ZNF135: variants seen among roughly 807,000 people sequenced by gnomAD.
The protein encoded by ZNF135 is zinc finger protein 135, also known as zinc finger protein 135 (clone pHZ-17).
A neutral mutation model predicts 12.3 loss-of-function variants in ZNF135; 11 were observed. That is an observed-to-expected ratio of 0.89 (90% confidence interval 0.56 to 1.48). The LOEUF (loss-of-function observed/expected upper bound fraction) is 1.48, where lower values mean the gene tolerates loss of function less well. ZNF135 is among the 40% of genes most tolerant of loss of function. The pLI is 0.00. For missense variants in ZNF135, 722 were observed against 815.7 expected (o/e 0.89, Z 1.40); for synonymous variants, 316 against 312.0 (o/e 1.01, Z -0.14).
rs201295734 is a variant in ZNF135, at chr19:58,068,338, C to T, written c.1854C>T (p.Ser618=). The T allele has an allele frequency of 1.2e-6, 2 of 1,613,236 alleles. No individual in the cohort carries two copies. Among genetic ancestry groups the T allele is most frequent in the Non-Finnish European group, 1.7e-6 (2 of 1,179,766 alleles). ...ATTGCGGAAAGTCCTTTAGGCAGAG[C>T]ACCCACCTCACTCAGCACCGGAGGA... ...CHDCGKSFRQ[S]THLTQHRRIH... The change falls in exon 5 of 5, where the codon AGC becomes AGT. Residue 618 remains serine (S), a synonymous_variant. Transcript: ENST00000313434.
rs1258878230 is a variant in ZNF135 at position 58,067,717 on chromosome 19, G to T, written c.1233G>T (p.Glu411Asp). The T allele has an allele frequency of 6.2e-7, 1 of 1,613,886 alleles. No homozygotes were observed. The highest frequency in any genetic ancestry group is 8.5e-7 in the Non-Finnish European group (1 of 1,179,968). The part of the protein sequence containing the change: ...QRTHTGEKPY[E>D]CGECGKAFSQ... ...CCCACACAGGAGAAAAGCCCTATGA[G>T]TGTGGTGAGTGTGGGAAAGCCTTCA... Residue 411 changes from glutamate (E) to aspartate (D), a missense_variant, in exon 5 of 5, where the codon GAG becomes GAT. Glu to Asp is a conservative substitution (Grantham distance 45, BLOSUM62 2). Transcript: ENST00000313434.
rs1421578434 is a variant in ZNF135, at chr19:58,059,310, G to A, written c.-35G>A. The A allele has an allele frequency of 1.3e-6, 2 of 1,568,220 alleles. No individual in the cohort carries two copies. Among genetic ancestry groups the A allele is most frequent in the African/African-American group, 1.4e-5 (1 of 71,294 alleles). On this transcript the variant is annotated splice_region_variant and 5_prime_UTR_variant, in exon 1 of 5. Transcript: ENST00000313434. This position sits in a 1 kb window ranked among gnomAD's most constrained non-coding sequence, Gnocchi z 6.5. ...GCGGCCTTTGTCTCGCAGTCAGGAG[G>A]GTGAGCTAGGCCGGCGAGGAGGGGG...
chr19:58,066,456 CCATT>C (rs1186278393), intron 4 of ZNF135, among the ~76,000 whole-genome samples: 1 of 152,128 alleles, frequency 6.6e-6, no homozygotes, highest in Non-Finnish European at 1.5e-5. Flanking sequence ...CTCACAGACT[CCATT>C]CATACTCCTT....
In ZNF135 at chr19:58,067,420, C is replaced by T; in HGVS notation, c.936C>T (p.Ser312=). Residue 312 remains serine (S), a synonymous_variant, in exon 5 of 5, where the codon TCC becomes TCT. Transcript: ENST00000313434. ...ECGKSFSFRS[S]FSQHERTHTG... The stretch of plus-strand genomic sequence containing the variant: ...GGAAATCCTTCAGTTTTAGGTCCTC[C>T]TTCAGCCAGCACGAGCGAACTCACA... 1 of 1,613,878 alleles carries T rather than the reference C, an allele frequency of 6.2e-7. No homozygotes were observed. Among genetic ancestry groups the T allele is most frequent in the Non-Finnish European group, 8.5e-7 (1 of 1,179,924 alleles).
Position 58,059,847 on chromosome 19 carries a change from C to A in ZNF135, c.-34-122C>A. 1 of 1,210,656 alleles carries A rather than the reference C, an allele frequency of 8.3e-7. No homozygotes were observed. Among genetic ancestry groups the A allele is most frequent in the Non-Finnish European group, 1.1e-6 (1 of 880,190 alleles). The allele number at this position is 1,210,656 out of a possible 1,614,324, so 75.0% of individuals were successfully genotyped here. ...GCCCCACACACAGCAGGCGCTTAAA[C>A]GGGTACGCGGGGCCCTGGACGGCTC... is the stretch of plus-strand genomic sequence containing the variant. On this transcript the variant is annotated intron_variant, in intron 1 of 4. Transcript: ENST00000313434. This position sits in a 1 kb window ranked among gnomAD's most constrained non-coding sequence, Gnocchi z 6.5.
chr19:58,067,742 A>T lies in ZNF135; in HGVS notation c.1258A>T (p.Ser420Cys). The change falls in exon 5 of 5, where the codon AGT becomes TGT. Residue 420 changes from serine (S) to cysteine (C), a missense_variant. By Grantham distance (112) the Ser-to-Cys change is moderately radical. Transcript: ENST00000313434. ...GTGTGGTGAGTGTGGGAAAGCCTTC[A>T]GTCAGAGCACACTCCTGACCGAGCA... is the stretch of plus-strand genomic sequence containing the variant. ...YECGECGKAFSQSTLLTEHRR... is the reference protein window; with the variant it reads ...YECGECGKAFCQSTLLTEHRR... 6.2e-7 allele frequency: 1 copy of T among 1,614,120 alleles called. No homozygotes were observed. Among genetic ancestry groups the T allele is most frequent in the Non-Finnish European group, 8.5e-7 (1 of 1,180,020 alleles).
chr19:58,060,226 C>T lies in ZNF135; in HGVS notation c.33+191C>T. On this transcript the variant is annotated intron_variant, in intron 2 of 4. Transcript: ENST00000313434. This position sits in a 1 kb window ranked among gnomAD's most constrained non-coding sequence, Gnocchi z 4.9. The stretch of plus-strand genomic sequence containing the variant: ...CCTCTACTCGCACAACTGGCCTCTA[C>T]TCGCGCACCTGGCCTCTACTGGTGC... 3 of 1,445,972 alleles carry T rather than the reference C, an allele frequency of 2.1e-6. No individual in the cohort carries two copies. Among genetic ancestry groups the T allele is most frequent in the Non-Finnish European group, 2.7e-6 (3 of 1,091,498 alleles). 89.6% of individuals were successfully genotyped at this position (1,445,972 alleles called of 1,614,324 possible). A position where few individuals can be genotyped will look rare whatever the true frequency, so the allele number is the denominator to read the frequency against.
chr19:58,067,238 C>T lies in ZNF135; in HGVS notation c.754C>T (p.Arg252Trp), dbSNP rs746277364. Residue 252 changes from arginine (R) to tryptophan (W), a missense_variant, in exon 5 of 5, where the codon CGG becomes TGG. Arg to Trp is a moderately radical substitution (Grantham distance 101). Transcript: ENST00000313434. Reference protein sequence around the residue: ...YECHECLKGFRNSSALTKHQR... With the variant: ...YECHECLKGFWNSSALTKHQR... ...ATGTCACGAATGCTTAAAAGGCTTC[C>T]GGAACAGCTCGGCACTTACCAAACA... 7.2e-5 allele frequency: 116 copies of T among 1,614,090 alleles called. No homozygotes were observed. In the East Asian group the frequency reaches 1.7e-3, roughly 24 times the overall value.
intron 4 of ZNF135, among the ~76,000 whole-genome samples, chr19:58,066,146 T>C (rs2074062022): frequency 6.6e-6 from 1 of 152,240 alleles, no homozygotes. Flanking sequence ...AGCACTCTAA[T>C]ATGCCACGGG....
chr19:58,068,645 C>A lies in ZNF135; in HGVS notation c.*184C>A, dbSNP rs1301050056. ...GAAATGACCATGGGACCACCAAGCT[C>A]TAGGTCATCCATCTCTGCATCCAAA... On this transcript the variant is annotated 3_prime_UTR_variant, in exon 5 of 5. Coordinates refer to ENST00000313434, the MANE Select transcript of ZNF135 (RefSeq NM_001289401.2). 1.2e-5 allele frequency: 8 copies of A among 643,142 alleles called. 1 individual carries two copies. Among genetic ancestry groups the A allele is most frequent in the African/African-American group, 9.1e-5 (5 of 54,874 alleles). 39.8% of individuals were successfully genotyped at this position (643,142 alleles called of 1,614,324 possible).
chr19:58,066,910 C>CG lies in ZNF135; in HGVS notation c.426_427insG (p.Leu143AlafsTer32), dbSNP rs1458135067. 6 of 1,614,048 alleles carry CG rather than the reference C, an allele frequency of 3.7e-6. No homozygotes were observed. In the African/African-American group the frequency reaches 8.0e-5, roughly 22 times the overall value. ...AATGGAGTTGTGAGAGTCTAGAGAG[C>CG]CTGGCAGTGCCGGTGGCCTTCACGC... On this transcript the variant is annotated frameshift_variant, in exon 5 of 5. Transcript: ENST00000313434. LOFTEE classifies it low-confidence loss of function (END_TRUNC).
At position 58,063,358 on chromosome 19, in the gene ZNF135, G is replaced by T; in HGVS notation, c.161-88G>T. On this transcript the variant is annotated intron_variant, in intron 3 of 4. Transcript: ENST00000313434. The surrounding 1 kb of genome is among the most constrained non-coding windows in gnomAD (Gnocchi z 4.4). Reference sequence around the variant, plus strand: ...CACTCAGGGGTCCCCAGCCATCTGGGACCTGGAAGACCAAAGGTGGAATGG... The same window carrying T: ...CACTCAGGGGTCCCCAGCCATCTGGTACCTGGAAGACCAAAGGTGGAATGG... The T allele has an allele frequency of 6.4e-7, 1 of 1,574,310 alleles. No homozygotes were observed. The highest frequency in any genetic ancestry group is 1.8e-5 in the Admixed American group (1 of 54,994).
At chr19:58,062,315 A>G (rs2073994913) in intron 3 of ZNF135, among the ~76,000 whole-genome samples, 1 of 152,194 alleles carries the variant, frequency 6.6e-6, no homozygotes, top group Admixed American at 6.5e-5. Flanking sequence ...CCCCACCTCA[A>G]CACTATCAGA....
chr19:58,067,502 C>T lies in ZNF135; in HGVS notation c.1018C>T (p.His340Tyr). Residue 340 changes from histidine to tyrosine, a missense_variant, in exon 5 of 5, where the codon CAC becomes TAC. Coordinates refer to ENST00000313434, the MANE Select transcript of ZNF135 (RefSeq NM_001289401.2). ...TGGGAAAGCCTTCCGGCAAAGCATCCACCTCACCCAGCATCTGCGAATCCA... is the reference window on the plus strand; with the variant it reads ...TGGGAAAGCCTTCCGGCAAAGCATCTACCTCACCCAGCATCTGCGAATCCA... ...ECGKAFRQSI[H>Y]LTQHLRIHTG... 1 of 1,613,786 alleles carries T rather than the reference C, an allele frequency of 6.2e-7. No homozygotes were observed. The highest frequency in any genetic ancestry group is 1.3e-5 in the African/African-American group (1 of 74,918).
rs1463884009 is a variant in ZNF135 at position 58,060,674 on chromosome 19, A to C, written c.33+639A>C. On this transcript the variant is annotated intron_variant, in intron 2 of 4. Coordinates refer to ENST00000313434, the MANE Select transcript of ZNF135 (RefSeq NM_001289401.2). The surrounding 1 kb of genome is among the most constrained non-coding windows in gnomAD (Gnocchi z 4.9). The stretch of plus-strand genomic sequence containing the variant: ...CAGCCTCCTGTAGGAATGTCAGAAA[A>C]CCCGTACAAGGGGACTGGTGCGATG... Among the ~76,000 whole-genome samples, 1 of 152,058 alleles carries C rather than the reference A, an allele frequency of 6.6e-6. No homozygotes were observed. Among genetic ancestry groups the C allele is most frequent in the Non-Finnish European group, 1.5e-5 (1 of 68,014 alleles).
chr19:58,059,446 T>G lies in ZNF135; in HGVS notation c.-35+136T>G. On this transcript the variant is annotated intron_variant, in intron 1 of 4. Coordinates refer to ENST00000313434, the MANE Select transcript of ZNF135 (RefSeq NM_001289401.2). The surrounding 1 kb of genome is among the most constrained non-coding windows in gnomAD (Gnocchi z 6.5). Reference sequence around the variant, plus strand: ...GCGCGCGTCTGTGTGGAGTCCGTTTTGCTGCCCGGGGCCTGGGGAAGGCCG... The same window carrying G: ...GCGCGCGTCTGTGTGGAGTCCGTTTGGCTGCCCGGGGCCTGGGGAAGGCCG... 3.1e-6 allele frequency: 3 copies of G among 979,890 alleles called. No homozygotes were observed. The highest frequency in any genetic ancestry group is 2.8e-6 in the Non-Finnish European group (2 of 706,972). 60.7% of individuals were successfully genotyped at this position (979,890 alleles called of 1,614,324 possible).
In ZNF135 at chr19:58,059,900, A is replaced by T; in HGVS notation, c.-34-69A>T. The T allele has an allele frequency of 6.3e-7, 1 of 1,576,668 alleles. No homozygotes were observed. Among genetic ancestry groups the T allele is most frequent in the Non-Finnish European group, 8.6e-7 (1 of 1,157,616 alleles). On this transcript the variant is annotated intron_variant, in intron 1 of 4. Coordinates refer to ENST00000313434, the MANE Select transcript of ZNF135 (RefSeq NM_001289401.2). This position sits in a 1 kb window ranked among gnomAD's most constrained non-coding sequence, Gnocchi z 6.5. ...CGCGGAGCTCCCCAGGCTCTGGCGC[A>T]GTTCCCCGGCTTGGGGACCTGAGCA...
intron 2 of ZNF135, 120 bp from the exon 3 acceptor site, chr19:58,061,460 C>A: frequency 7.4e-7 from 1 of 1,359,112 alleles, no homozygotes; most frequent in Non-Finnish European, 9.8e-7. Context: ...AAAAACCTGA[C>A]CCAAAACCCC....
rs377167100 is a variant in ZNF135 at position 58,059,657 on chromosome 19, G to T, written c.-34-312G>T. 1.0e-4 allele frequency: 53 copies of T among 512,834 alleles called. 1 individual carries two copies. Among genetic ancestry groups the T allele is most frequent in the South Asian group, 8.2e-4 (30 of 36,616 alleles). 31.8% of individuals were successfully genotyped at this position (512,834 alleles called of 1,614,324 possible). On this transcript the variant is annotated intron_variant, in intron 1 of 4. Coordinates refer to ENST00000313434, the MANE Select transcript of ZNF135 (RefSeq NM_001289401.2). The surrounding 1 kb of genome is among the most constrained non-coding windows in gnomAD (Gnocchi z 6.5). ...CCTTTGTTGATGGAAGAGAGAAACT[G>T]AGGCATAGTGCCCAGGGCCAGGGGA...
Sources: gnomAD v4.1 joint callset for allele counts (sites outside exome capture counted in the v4.1 genomes callset) on GRCh38, gnomAD v4.1.1 for gene constraint, Gnocchi (gnomAD v3.1) non-coding constraint, MANE v1.5 for transcripts, NCBI Gene and HGNC (gene_info 2026-07-23, HGNC 2026-07-21) for gene names.